TUBGCP3: variants seen among roughly 807,000 people sequenced by gnomAD.
The protein encoded by TUBGCP3 is tubulin gamma complex component 3.
A neutral mutation model predicts 123.1 loss-of-function variants in TUBGCP3; 50 were observed. That is an observed-to-expected ratio of 0.41 (90% CI 0.32 to 0.51). The LOEUF is 0.51. Among genes scored for constraint, TUBGCP3 ranks in the 20% least tolerant of loss-of-function variants. The pLI is 0.36. For synonymous variants in TUBGCP3, 405 were observed against 413.9 expected (o/e 0.98, Z 0.26); for missense variants, 882 against 1,127.0 (o/e 0.78, Z 3.11).
Position 112,527,448 on chromosome 13 carries a change from G to A in TUBGCP3, c.1372C>T (p.Arg458Ter). ...AAAGTATACTTGTCGTGCCACAGTC[G>A]ATCTGTTTTAACTGTTGGATCTGAT... ...VASDPTVKTD[R>*]LWHDKYTLRK... is the part of the protein sequence containing the mutation. Residue 458 changes from arginine (R) to a stop codon, truncating the protein, a stop_gained, in exon 12 of 22, where the codon CGA becomes TGA. Coordinates refer to ENST00000261965, the MANE Select transcript of TUBGCP3 (RefSeq NM_006322.6). LOFTEE classifies it high-confidence loss of function. 4 of 1,611,446 alleles carry A rather than the reference G, an allele frequency of 2.5e-6. No individual in the cohort carries two copies. The highest frequency in any genetic ancestry group is 2.5e-6 in the Non-Finnish European group (3 of 1,179,296).
chr13:112,509,934 C>G (rs1214987384), intron 17 of TUBGCP3, among the ~76,000 whole-genome samples: 4 of 152,156 alleles, frequency 2.6e-5, no homozygotes, highest in African/African-American at 9.7e-5. Flanking sequence ...GATCTCTTTA[C>G]CCAGCACTCT....
intron 6 of TUBGCP3, among the ~76,000 whole-genome samples, chr13:112,555,418 T>G (rs7337422): frequency 0.16 from 23,998 of 152,264 alleles, 2,150 homozygotes; most frequent in East Asian, 0.21. Context: ...AGCCATTTCG[T>G]AATCAGCAGA....
chr13:112,492,470 T>A (rs536978515), intron 20 of TUBGCP3, among the ~76,000 whole-genome samples: 14 of 152,370 alleles, frequency 9.2e-5, no homozygotes, highest in African/African-American at 3.4e-4. Flanking sequence ...GTCACCCCCA[T>A]GCAGATGCAA....
In TUBGCP3 at chr13:112,587,890, G is replaced by C. The variant is rs749716371; in HGVS notation, c.76+15C>G. 7.6e-6 allele frequency: 12 copies of C among 1,584,480 alleles called. No homozygotes were observed. The highest frequency in any genetic ancestry group is 9.4e-6 in the Non-Finnish European group (11 of 1,167,762). ...GGGACGGGTCTGCGGGCTTCGCGTC[G>C]CCCGGCCACTCTACCTTCGCTCCTG... On this transcript the variant is annotated intron_variant, in intron 1 of 21. Transcript: ENST00000261965.
At chr13:112,501,014 G>GC (rs1880868179) in intron 19 of TUBGCP3, among the ~76,000 whole-genome samples, 1 of 152,218 alleles carries the variant, frequency 6.6e-6, no homozygotes, top group African/African-American at 2.4e-5. Flanking sequence ...GCAGTGAACA[G>GC]CCCATGCTCT....
At chr13:112,496,935 G>A (rs1033881637) in intron 20 of TUBGCP3, among the ~76,000 whole-genome samples, 3 of 150,640 alleles carry the variant, frequency 2.0e-5, no homozygotes, top group African/African-American at 7.4e-5. Flanking sequence ...GCAGTGAGCC[G>A]AGATCGCGCC....
the TUBGCP3 span, among the ~76,000 whole-genome samples, chr13:112,598,072 G>C: frequency 1.3e-5 from 2 of 152,076 alleles, no homozygotes; most frequent in African/African-American, 4.8e-5. Flanking sequence ...AGAGGTTATC[G>C]TCAAAGGCGC....
the TUBGCP3 span, chr13:112,605,480 G>A: frequency 6.6e-6 from 1 of 152,172 alleles, no homozygotes; most frequent in Non-Finnish European, 1.5e-5. Context: ...CGGAATGCCT[G>A]GAGAGCCCTT....
intron 13 of TUBGCP3, among the ~76,000 whole-genome samples, chr13:112,523,038 T>G (rs1315769504): frequency 1.3e-5 from 2 of 152,172 alleles, no homozygotes; most frequent in South Asian, 2.1e-4. Flanking sequence ...AGCAGTAACA[T>G]AGCGGAAGAA....
In TUBGCP3 at chr13:112,588,036, C is replaced by G. The variant is rs1380717814; in HGVS notation, c.-56G>C. 1 of 1,347,484 alleles carries G rather than the reference C, an allele frequency of 7.4e-7. No individual in the cohort carries two copies. The highest frequency in any genetic ancestry group is 3.0e-5 in the East Asian group (1 of 33,644). The allele number at this position is 1,347,484 out of a possible 1,614,324, so 83.5% of individuals were successfully genotyped here. ...GCAGAGCCGCCACTGCCGCCGCACG[C>G]GCAGGGACCGCGGCCCGCGCCCTTC... On this transcript the variant is annotated 5_prime_UTR_variant, in exon 1 of 22. Transcript: ENST00000261965.
Position 112,556,445 on chromosome 13 carries a change from G to C in TUBGCP3, c.549-221C>G, listed in dbSNP as rs74434386. Among the ~76,000 whole-genome samples the C allele has an allele frequency of 8.7e-3, 1,328 of 152,202 alleles. 18 individuals are homozygous for C. The highest frequency in any genetic ancestry group is 0.03 in the African/African-American group (1,262 of 41,506). On this transcript the variant is annotated intron_variant, in intron 5 of 21. Coordinates refer to ENST00000261965, the MANE Select transcript of TUBGCP3 (RefSeq NM_006322.6). ...CTTGCGACCCTTGGCCTAGCATTCG[G>C]ACCCAACACAGCAGTGGAAAAATCA...
chr13:112,547,846 T>C, intron 9 of TUBGCP3, 94 bp from the exon 10 acceptor site: 1 of 1,321,358 alleles, frequency 7.6e-7, no homozygotes, highest in Non-Finnish European at 9.9e-7. Flanking sequence ...AAAATGATTA[T>C]ACTCATAAAA....
chr13:112,559,460 CCT>C, intron 3 of TUBGCP3, 61 bp from the exon 4 acceptor site: 1 of 1,347,342 alleles, frequency 7.4e-7, no homozygotes, highest in Non-Finnish European at 1.0e-6. Context: ...GCCTTATTTT[CCT>C]CTTTCCTGAA....
chr13:112,582,581 G>A (rs957150801), intron 1 of TUBGCP3, among the ~76,000 whole-genome samples: 1 of 152,208 alleles, frequency 6.6e-6, no homozygotes, highest in Non-Finnish European at 1.5e-5. Context: ...CTGCAGGGAG[G>A]CCGTGCCACA....
intron 3 of TUBGCP3, among the ~76,000 whole-genome samples, chr13:112,561,556 G>T (rs1176713556): frequency 6.6e-6 from 1 of 152,152 alleles, no homozygotes; most frequent in African/African-American, 2.4e-5. Context: ...TCTCATGGGG[G>T]GCAAGATCAA....
chr13:112,488,029 G>A (rs1192599727), intron 21 of TUBGCP3, among the ~76,000 whole-genome samples: 1 of 151,666 alleles, frequency 6.6e-6, no homozygotes, highest in Non-Finnish European at 1.5e-5. Flanking sequence ...CTACTCGGGA[G>A]GCTGAGGCAG....
At chr13:112,504,875 G>A (rs566451005) in intron 17 of TUBGCP3, among the ~76,000 whole-genome samples, 161 bp from the exon 18 acceptor site, 2 of 152,258 alleles carry the variant, frequency 1.3e-5, no homozygotes, top group Non-Finnish European at 2.9e-5. Flanking sequence ...CAATTTCTGT[G>A]CAGGTCAAGC....
Position 112,485,192 on chromosome 13 carries a change from T to A in TUBGCP3, c.*801A>T. On this transcript the variant is annotated 3_prime_UTR_variant, in exon 22 of 22. Transcript: ENST00000261965. ...GGAAAAAGGAAATCTTCATTATCCA[T>A]GTCGATTTCTTTCCAATGCTTATCA... 1 of 152,586 alleles carries A rather than the reference T, an allele frequency of 6.6e-6. No homozygotes were observed. The highest frequency in any genetic ancestry group is 2.4e-5 in the African/African-American group (1 of 41,434). The allele number at this position is 152,586 out of a possible 1,614,324, so 9.5% of individuals were successfully genotyped here.
intron 1 of TUBGCP3, among the ~76,000 whole-genome samples, chr13:112,575,792 T>G (rs1319388545): frequency 1.3e-5 from 2 of 152,214 alleles, no homozygotes; most frequent in Non-Finnish European, 2.9e-5. Flanking sequence ...AACAGAATGG[T>G]ATCTGAAAAA....
Sources: allele counts gnomAD v4.1 joint callset (sites outside exome capture counted in the v4.1 genomes callset), GRCh38; gene constraint gnomAD v4.1.1; transcripts MANE v1.5; gene names NCBI Gene and HGNC (gene_info 2026-07-23, HGNC 2026-07-21).